Variants in RAPGEF6 observed in about 807,000 individuals in gnomAD.
RAPGEF6 encodes the protein Rap guanine nucleotide exchange factor 6.
A neutral mutation model predicts 171.4 loss-of-function variants in RAPGEF6; 56 were observed. The ratio of observed to expected loss-of-function variants is 0.33; its 90% confidence interval spans 0.26 to 0.41. The LOEUF is 0.41. RAPGEF6 is among the 10% of genes least tolerant of loss of function. RAPGEF6 has a pLI of 1.00. For synonymous variants in RAPGEF6, 692 were observed against 650.1 expected, an observed-to-expected ratio of 1.06 and a Z score of -0.98; for missense variants, 1,674 against 1,921.4, an observed-to-expected ratio of 0.87 and a Z score of 2.41.
chr5:131,518,395 T>TG (rs1457699950), intron 7 of RAPGEF6, among the ~76,000 whole-genome samples: 1 of 110,968 alleles, frequency 9.0e-6, no homozygotes, highest in Non-Finnish European at 1.9e-5. Flanking sequence ...TGTCAGAGTT[T>TG]GAAATTTTTT....
At chr5:131,621,353 G>A (rs753312744) in intron 1 of RAPGEF6, among the ~76,000 whole-genome samples, 16 of 152,090 alleles carry the variant, frequency 1.1e-4, no homozygotes, top group Middle Eastern at 3.4e-3. Context: ...GCAGTGGCAC[G>A]ATCACAGCTC....
intron 4 of RAPGEF6, among the ~76,000 whole-genome samples, chr5:131,571,689 GTGTTTT>G (rs1428251158): frequency 2.6e-5 from 4 of 152,292 alleles, no homozygotes; most frequent in South Asian, 4.1e-4. Context: ...ACCTCAGCAG[GTGTTTT>G]TGTTTTTAAT....
At chr5:131,625,740 C>A (rs1335190275) in intron 1 of RAPGEF6, among the ~76,000 whole-genome samples, 3 of 149,156 alleles carry the variant, frequency 2.0e-5, no homozygotes, top group Non-Finnish European at 4.4e-5. Context: ...TGTGTGAACC[C>A]GGGAGGTGGA....
chr5:131,434,586 T>A (rs1751908853), intron 24 of RAPGEF6, among the ~76,000 whole-genome samples: 1 of 152,226 alleles, frequency 6.6e-6, no homozygotes, highest in South Asian at 2.1e-4. Context: ...GTGTCATACT[T>A]AGTTTCCTTT....
At chr5:131,437,725 A>T (rs1178744496) in intron 24 of RAPGEF6, among the ~76,000 whole-genome samples, 1 of 152,196 alleles carries the variant, frequency 6.6e-6, no homozygotes, top group Non-Finnish European at 1.5e-5. Context: ...AGCTTTCTTT[A>T]GTAAAATCTG....
intron 6 of RAPGEF6, among the ~76,000 whole-genome samples, chr5:131,524,126 T>C (rs1306038442): frequency 6.6e-6 from 1 of 151,868 alleles, no homozygotes; most frequent in Admixed American, 6.5e-5. Flanking sequence ...AGTCCTACAA[T>C]GAATAAAATC....
rs115083686 is a variant in RAPGEF6, at chr5:131,569,143, A to G, written c.282-7096T>C. Among the ~76,000 whole-genome samples, 740 of 152,334 alleles carry G rather than the reference A, an allele frequency of 4.9e-3. 4 individuals carry two copies. The highest frequency in any genetic ancestry group is 0.017 in the African/African-American group (707 of 41,580). ...GAAACACAATATAGTTAAGACTGCAATTCTCCCCAAATTAATCTATAGATT... is the reference window on the plus strand; with the variant it reads ...GAAACACAATATAGTTAAGACTGCAGTTCTCCCCAAATTAATCTATAGATT... On this transcript the variant is annotated intron_variant, in intron 4 of 27. Coordinates refer to ENST00000509018, the MANE Select transcript of RAPGEF6 (RefSeq NM_016340.6).
Position 131,433,653 on chromosome 5 carries a change from T to C in RAPGEF6, c.3751A>G (p.Thr1251Ala), listed in dbSNP as rs367576000. 27 of 1,601,390 alleles carry C rather than the reference T, an allele frequency of 1.7e-5. No individual in the cohort carries two copies. Among genetic ancestry groups the C allele is most frequent in the Non-Finnish European group, 2.1e-5 (25 of 1,169,070 alleles). Reference protein sequence around the residue: ...SPQGSPHKGYTLIPSAKSDNL... With the variant: ...SPQGSPHKGYALIPSAKSDNL... ...TCAGATTTAGCTGATGGAATAAGTG[T>C]GTAACCTGAACAAGAAAAGAGCACT... Residue 1251 changes from threonine (T) to alanine (A), a missense_variant, in exon 25 of 28, where the codon ACA becomes GCA. Thr to Ala is a moderately conservative substitution (Grantham distance 58). Coordinates refer to ENST00000509018, the MANE Select transcript of RAPGEF6 (RefSeq NM_016340.6).
At chr5:131,549,807 T>A (rs914369290) in intron 5 of RAPGEF6, among the ~76,000 whole-genome samples, 1 of 152,194 alleles carries the variant, frequency 6.6e-6, no homozygotes, top group Non-Finnish European at 1.5e-5. Context: ...ATACAGATTA[T>A]TTTAGCACTC....
chr5:131,462,239 T>A, intron 18 of RAPGEF6, 151 bp from the exon 19 acceptor site: 1 of 766,316 alleles, frequency 1.3e-6, no homozygotes, highest in Non-Finnish European at 1.9e-6. Flanking sequence ...GTTAACATTT[T>A]AAATGAAAAG....
At chr5:131,460,517 AG>A in intron 19 of RAPGEF6, among the ~76,000 whole-genome samples, 1 of 152,306 alleles carries the variant, frequency 6.6e-6, no homozygotes, top group Non-Finnish European at 1.5e-5. Context: ...CTTTACAAAC[AG>A]GTTCCATTTC....
At chr5:131,439,751 T>C (rs763495115) in intron 23 of RAPGEF6, 36 bp from the exon 24 acceptor site, 1 of 1,602,786 alleles carries the variant, frequency 6.2e-7, no homozygotes, top group Non-Finnish European at 8.5e-7. Flanking sequence ...TAAGCATCGT[T>C]TCACAATTAA....
chr5:131,450,803 T>TA, intron 21 of RAPGEF6, among the ~76,000 whole-genome samples: 1 of 152,326 alleles, frequency 6.6e-6, no homozygotes, highest in Non-Finnish European at 1.5e-5. Flanking sequence ...GTCCAATCTT[T>TA]AAAAAAGATG....
At chr5:131,588,350 G>C (rs767475244) in intron 4 of RAPGEF6, among the ~76,000 whole-genome samples, 24 of 152,162 alleles carry the variant, frequency 1.6e-4, no homozygotes, top group Non-Finnish European at 2.9e-4. Context: ...ATGGGTTACT[G>C]CACAAAATGT....
At position 131,451,423 on chromosome 5, in the gene RAPGEF6, G is replaced by GA. The variant is rs202198403; in HGVS notation, c.3200+1630dup. Reference sequence around the variant, plus strand: ...ACATGGTGAAACCCTATCTCTACTGGAAAAAAAAAAAAAAAATTAGCTGGA... The same window carrying GA: ...ACATGGTGAAACCCTATCTCTACTGGAAAAAAAAAAAAAAAAATTAGCTGGA... On this transcript the variant is annotated intron_variant, in intron 21 of 27. Transcript: ENST00000509018. Among the ~76,000 whole-genome samples the GA allele has an allele frequency of 8.1e-3, 1,107 of 136,716 alleles. 11 individuals are homozygous for GA. The highest frequency in any genetic ancestry group is 0.039 in the East Asian group (187 of 4,782). 89.7% of individuals were successfully genotyped at this position (136,716 alleles called of 152,430 possible).
chr5:131,495,467 GA>G (rs1233227243), intron 13 of RAPGEF6, 85 bp downstream of exon 13: 96 of 965,620 alleles, frequency 9.9e-5, no homozygotes, highest in Non-Finnish European at 1.7e-5. Flanking sequence ...ACACAGGAAA[GA>G]ATGAAAGCTA....
At chr5:131,609,593 A>G (rs987522307) in intron 1 of RAPGEF6, among the ~76,000 whole-genome samples, 1 of 152,208 alleles carries the variant, frequency 6.6e-6, no homozygotes, top group Non-Finnish European at 1.5e-5. Context: ...GTCCAACAAT[A>G]TAAACTTCCA....
Position 131,562,847 on chromosome 5 carries a change from A to G in RAPGEF6, c.282-800T>C, listed in dbSNP as rs115199196. 5.4e-3 allele frequency among the ~76,000 whole-genome samples: 817 copies of G among 152,282 alleles called. 9 individuals are homozygous for G. Among genetic ancestry groups the G allele is most frequent in the African/African-American group, 0.019 (797 of 41,564 alleles). On this transcript the variant is annotated intron_variant, in intron 4 of 27. Coordinates refer to ENST00000509018, the MANE Select transcript of RAPGEF6 (RefSeq NM_016340.6). ...AACCCACGGATATGAAGTGCCAACT[A>G]TATATAAAGAAATGTAGTTAGATAT...
Position 131,548,069 on chromosome 5 carries a change from ACAT to A in RAPGEF6, c.470_472del (p.Asp157del). 6.2e-7 allele frequency: 1 copy of A among 1,613,940 alleles called. No homozygotes were observed. Among genetic ancestry groups the A allele is most frequent in the Non-Finnish European group, 8.5e-7 (1 of 1,179,948 alleles). The stretch of plus-strand genomic sequence containing the variant: ...CACAGAAAGATAGCTGTTAACCTCC[ACAT>A]CATCAGTAATGGTTTGGCGCTCTCC... On this transcript the variant is annotated inframe_deletion, in exon 6 of 28. Transcript: ENST00000509018.
Sources: gnomAD v4.1 joint callset for allele counts (sites outside exome capture counted in the v4.1 genomes callset) on GRCh38, gnomAD v4.1.1 for gene constraint, MANE v1.5 for transcripts, NCBI Gene and HGNC (gene_info 2026-07-23, HGNC 2026-07-21) for gene names.